PABIR2: variants seen among roughly 807,000 people sequenced by gnomAD.
PABIR2 encodes PABIR family member 2.
A neutral mutation model predicts 22.8 loss-of-function variants in PABIR2; 7 were observed. The ratio of observed to expected loss-of-function variants is 0.31; its 90% CI spans 0.17 to 0.58. PABIR2 has a LOEUF of 0.58. PABIR2 is among the 20% of genes least tolerant of loss of function. The pLI, the probability that PABIR2 is intolerant of heterozygous loss-of-function variation, is 0.89. For synonymous variants in PABIR2, 67 were observed against 73.8 expected, an observed-to-expected ratio of 0.91 and a Z score of 0.47; for missense variants, 155 against 205.1, an observed-to-expected ratio of 0.76 and a Z score of 1.49.
intron 9 of PABIR2, among the ~76,000 whole-genome samples, chrX:134,779,919 C>T (rs1041303179): frequency 3.6e-5 from 4 of 112,521 alleles, no homozygotes; most frequent in Non-Finnish European, 7.5e-5. Flanking sequence ...CAGAAGTTTT[C>T]TCTTTGCCAT....
chrX:134,771,906 G>C lies in PABIR2; in HGVS notation c.*233C>G. On this transcript the variant is annotated 3_prime_UTR_variant, in exon 10 of 10. Coordinates refer to ENST00000343004, the MANE Select transcript of PABIR2 (RefSeq NM_001387468.1). The stretch of plus-strand genomic sequence containing the variant: ...TCTAAGCAATCAAAAATCAGCATTT[G>C]AGATTTAATCACTAAATCCAAAATG... The C allele has an allele frequency of 1.1e-6, 1 of 943,097 alleles. No homozygotes were observed. 77.7% of individuals were successfully genotyped at this position (943,097 alleles called of 1,213,427 possible). A position where few individuals can be genotyped will look rare whatever the true frequency, so the allele number is the denominator to read the frequency against.
At chrX:134,774,187 G>T in intron 9 of PABIR2, among the ~76,000 whole-genome samples, 1 of 112,058 alleles carries the variant, frequency 8.9e-6, no homozygotes, top group South Asian at 3.7e-4. Flanking sequence ...TGGCAAAATG[G>T]ATCTAAAATA....
At position 134,787,466 on chromosome X, in the gene PABIR2, G is replaced by C. The variant is rs762797093; in HGVS notation, c.497+6C>G. ...TCAACCACATTTAAAATTCAAGTTT[G>C]CTTACCTTGAAAATCGTCTTGGACT... is the stretch of plus-strand genomic sequence containing the variant. On this transcript the variant is annotated splice_donor_region_variant and intron_variant, in intron 7 of 9. Transcript: ENST00000343004. The C allele has an allele frequency of 1.7e-6, 2 of 1,204,069 alleles. No homozygotes were observed. Among genetic ancestry groups the C allele is most frequent in the Non-Finnish European group, 2.2e-6 (2 of 891,094 alleles).
intron 6 of PABIR2, among the ~76,000 whole-genome samples, chrX:134,787,765 G>A (rs1228509485): frequency 5.8e-5 from 6 of 104,102 alleles, no homozygotes; most frequent in Admixed American, 1.1e-4. Context: ...ACAGGTGTGC[G>A]CCACCATGCC....
chrX:134,779,375 G>A (rs772264731), intron 9 of PABIR2, among the ~76,000 whole-genome samples: 2 of 111,286 alleles, frequency 1.8e-5, no homozygotes, highest in African/African-American at 3.3e-5. Flanking sequence ...GCAGTGAGTC[G>A]AGATTGCACT....
Position 134,796,232 on chromosome X carries a change from G to A in PABIR2, c.-27C>T, listed in dbSNP as rs1185990294. ...TCAGACTTGCAGGCAGGCACAGCGGGCAGTGCTCAGCTCCTGGTGCTTAGC... is the reference window on the plus strand; with the variant it reads ...TCAGACTTGCAGGCAGGCACAGCGGACAGTGCTCAGCTCCTGGTGCTTAGC... On this transcript the variant is annotated 5_prime_UTR_variant, in exon 1 of 10. Transcript: ENST00000343004. The A allele has an allele frequency of 8.8e-7, 1 of 1,135,545 alleles. No homozygotes were observed. Among genetic ancestry groups the A allele is most frequent in the Non-Finnish European group, 1.2e-6 (1 of 830,009 alleles). 93.6% of individuals were successfully genotyped at this position (1,135,545 alleles called of 1,213,427 possible). A position where few individuals can be genotyped will look rare whatever the true frequency, so the allele number is the denominator to read the frequency against.
At position 134,796,283 on chromosome X, in the gene PABIR2, A is replaced by G; in HGVS notation, c.-78T>C. The stretch of plus-strand genomic sequence containing the variant: ...TATGGACTCCCAAGACTCTCACTGC[A>G]GGACTGAGCTGCTGGGGACTGGCAG... On this transcript the variant is annotated 5_prime_UTR_variant, in exon 1 of 10. Coordinates refer to ENST00000343004, the MANE Select transcript of PABIR2 (RefSeq NM_001387468.1). The G allele has an allele frequency of 1.6e-6, 1 of 620,348 alleles. No individual in the cohort carries two copies. The highest frequency in any genetic ancestry group is 2.2e-6 in the Non-Finnish European group (1 of 450,936). The allele number at this position is 620,348 out of a possible 1,213,427, so 51.1% of individuals were successfully genotyped here.
At chrX:134,781,770 T>C (rs756771148) in intron 9 of PABIR2, 51 bp downstream of exon 9, 7 of 901,629 alleles carry the variant, frequency 7.8e-6, no homozygotes, top group East Asian at 3.5e-5. Context: ...TGTGGCTCTT[T>C]TAAAATGGAT....
chrX:134,778,289 G>A (rs2079051373), intron 9 of PABIR2, among the ~76,000 whole-genome samples: 1 of 104,335 alleles, frequency 9.6e-6, no homozygotes, highest in South Asian at 4.5e-4. Context: ...CGGATCACCT[G>A]AGGTCAGGAG....
chrX:134,771,258 T>C lies in PABIR2; in HGVS notation c.*881A>G. 8.7e-7 allele frequency: 1 copy of C among 1,145,918 alleles called. No homozygotes were observed. 94.4% of individuals were successfully genotyped at this position (1,145,918 alleles called of 1,213,427 possible). A position where few individuals can be genotyped will look rare whatever the true frequency, so the allele number is the denominator to read the frequency against. On this transcript the variant is annotated 3_prime_UTR_variant, in exon 10 of 10. Coordinates refer to ENST00000343004, the MANE Select transcript of PABIR2 (RefSeq NM_001387468.1). ...ACACTGACAGCTCCATGGACGCTTT[T>C]GTACACAGTGGTTTGTGTGTAAATA... is the stretch of plus-strand genomic sequence containing the variant.
intron 9 of PABIR2, among the ~76,000 whole-genome samples, chrX:134,777,885 GT>G (rs1246080322): frequency 0.043 from 3,467 of 80,109 alleles, 58 homozygotes; most frequent in Non-Finnish European, 0.064. Flanking sequence ...TGTTTGGTTG[GT>G]TTTTTTTTTT....
At chrX:134,779,777 G>A (rs758272212) in intron 9 of PABIR2, among the ~76,000 whole-genome samples, 2 of 112,341 alleles carry the variant, frequency 1.8e-5, no homozygotes, top group Non-Finnish European at 3.8e-5. Context: ...ACTTAACTTG[G>A]TCACTTGGTT....
chrX:134,777,785 G>A (rs972712966), intron 9 of PABIR2, among the ~76,000 whole-genome samples: 4 of 110,546 alleles, frequency 3.6e-5, no homozygotes, highest in African/African-American at 6.6e-5. Context: ...GCAGTGAGCC[G>A]AGATTGCACC....
At chrX:134,780,837 A>T (rs1457957275) in intron 9 of PABIR2, among the ~76,000 whole-genome samples, 2 of 112,449 alleles carry the variant, frequency 1.8e-5, no homozygotes, top group Non-Finnish European at 3.7e-5. Context: ...TAAAGACCTA[A>T]ACTAGGATGA....
intron 9 of PABIR2, among the ~76,000 whole-genome samples, chrX:134,774,537 G>C (rs779648867): frequency 9.1e-6 from 1 of 110,424 alleles, no homozygotes; most frequent in Non-Finnish European, 1.9e-5. Context: ...TGCTTGCTTG[G>C]GTGAATCCTG....
In PABIR2 at chrX:134,787,482, G is replaced by C; in HGVS notation, c.487C>G (p.Arg163Gly). 8.3e-7 allele frequency: 1 copy of C among 1,209,626 alleles called. No individual in the cohort carries two copies. Among genetic ancestry groups the C allele is most frequent in the Non-Finnish European group, 1.1e-6 (1 of 894,276 alleles). Reference sequence around the variant, plus strand: ...TTCAAGTTTGCTTACCTTGAAAATCGTCTTGGACTGGGAACTGGACTTGGT... The same window carrying C: ...TTCAAGTTTGCTTACCTTGAAAATCCTCTTGGACTGGGAACTGGACTTGGT... ...LPPSPVPSPR[R>G]FSSRRSQSPV... The change falls in exon 7 of 10, where the codon CGA becomes GGA. Residue 163 changes from arginine to glycine, a missense_variant. Coordinates refer to ENST00000343004, the MANE Select transcript of PABIR2 (RefSeq NM_001387468.1).
chrX:134,788,139 TAA>T (rs1217459822), intron 6 of PABIR2, among the ~76,000 whole-genome samples: 6 of 101,202 alleles, frequency 5.9e-5, no homozygotes, highest in African/African-American at 2.2e-4. Context: ...TATATATGTG[TAA>T]TATATACGTT....
At chrX:134,780,032 T>C (rs2079115720) in intron 9 of PABIR2, among the ~76,000 whole-genome samples, 1 of 112,615 alleles carries the variant, frequency 8.9e-6, no homozygotes, top group Non-Finnish European at 1.9e-5. Flanking sequence ...TGAAAATAGC[T>C]AGAACAATCT....
chrX:134,777,643 C>T (rs1333812389), intron 9 of PABIR2, among the ~76,000 whole-genome samples: 1 of 109,990 alleles, frequency 9.1e-6, no homozygotes, highest in East Asian at 2.9e-4. Context: ...TCGAGACCAG[C>T]CTGACCAACA....
Sources: allele counts gnomAD v4.1 joint callset (sites outside exome capture counted in the v4.1 genomes callset), GRCh38; gene constraint gnomAD v4.1.1; transcripts MANE v1.5; gene names NCBI Gene and HGNC (gene_info 2026-07-23, HGNC 2026-07-21).